The following MYH14 variants were observed in gnomAD, a reference collection of about 807,000 sequenced individuals.
The protein encoded by MYH14 is myosin-14.
A neutral mutation model predicts 255.5 loss-of-function variants in MYH14; 123 were observed. The ratio of observed to expected loss-of-function variants is 0.48; its 90% CI spans 0.42 to 0.56. The LOEUF is 0.56. Ranked by LOEUF, MYH14 falls within the 20% of genes least tolerant of loss-of-function variation. The pLI, the probability that MYH14 is intolerant of heterozygous loss-of-function variation, is 0.00. For synonymous variants in MYH14, 1,095 were observed against 1,161.2 expected, an observed-to-expected ratio of 0.94 and a Z score of 1.16; for missense variants, 2,423 against 2,802.3, an observed-to-expected ratio of 0.86 and a Z score of 3.06.
chr19:50,209,302 T>C (rs2032013680), intron 1 of MYH14, among the ~76,000 whole-genome samples: 2 of 152,146 alleles, frequency 1.3e-5, no homozygotes, highest in Non-Finnish European at 1.5e-5. Flanking sequence ...AAGTAAACTT[T>C]TGGAGGCAGG....
At chr19:50,208,092 ATTCCTCCCCTTGGTATTTATCAC>A (rs2031917526) in intron 1 of MYH14, among the ~76,000 whole-genome samples, 3 of 152,152 alleles carry the variant, frequency 2.0e-5, no homozygotes, top group Admixed American at 6.5e-5. Context: ...CCCCTGGTTT[ATTCCTCCCCTTGGTATTTATCAC>A]CATTTAATGT....
chr19:50,263,171 C>T, intron 21 of MYH14, 141 bp from the exon 22 acceptor site: 1 of 559,324 alleles, frequency 1.8e-6, no homozygotes, highest in Non-Finnish European at 2.9e-6. Flanking sequence ...TGCACTCCAG[C>T]CTAGGCAACA....
chr19:50,308,880 G>A (rs889019942), intron 41 of MYH14, 125 bp from the exon 42 acceptor site: 1 of 947,226 alleles, frequency 1.1e-6, no homozygotes, highest in African/African-American at 1.7e-5. Context: ...GGCCTAAACA[G>A]AGAGCAGAGG....
intron 16 of MYH14, among the ~76,000 whole-genome samples, chr19:50,254,078 G>C (rs199881108): frequency 6.6e-6 from 1 of 152,124 alleles, no homozygotes; most frequent in African/African-American, 2.4e-5. Context: ...TTAGCTGGGC[G>C]TGGTGGCACA....
At chr19:50,213,100 C>T (rs2032283806) in intron 2 of MYH14, among the ~76,000 whole-genome samples, 1 of 152,064 alleles carries the variant, frequency 6.6e-6, no homozygotes, top group Non-Finnish European at 1.5e-5. Flanking sequence ...CTACAGGCGC[C>T]TGCCACCAGG....
intron 40 of MYH14, among the ~76,000 whole-genome samples, chr19:50,302,453 C>T (rs919667056): frequency 3.3e-5 from 5 of 151,774 alleles, no homozygotes; most frequent in African/African-American, 9.7e-5. Flanking sequence ...TGTGGTGGCT[C>T]ATGCCTGTAG....
intron 10 of MYH14, among the ~76,000 whole-genome samples, chr19:50,240,043 G>A (rs1173564306): frequency 6.6e-6 from 1 of 152,146 alleles, no homozygotes; most frequent in Non-Finnish European, 1.5e-5. Flanking sequence ...ACTTCTAAGA[G>A]CATGGAGTTG....
In MYH14 at chr19:50,232,069, C is replaced by T; in HGVS notation, c.1113C>T (p.Ile371=). 2 of 1,611,570 alleles carry T rather than the reference C, an allele frequency of 1.2e-6. No individual in the cohort carries two copies. Among genetic ancestry groups the T allele is most frequent in the Non-Finnish European group, 1.7e-6 (2 of 1,179,880 alleles). The change falls in exon 10 of 43, where the codon ATC becomes ATT. Residue 371 remains isoleucine, a splice_region_variant and synonymous_variant. Coordinates refer to ENST00000642316, the MANE Select transcript of MYH14 (RefSeq NM_001145809.2). ...TGGGATTCAGCCACGAGGAAATCAT[C>T]TGTGAGTGAGCCCCGTGGAGGCCAG... ...RVLGFSHEEI[I]SMLRMVSAVL... is the part of the protein sequence containing the mutation.
At chr19:50,255,082 T>C in intron 16 of MYH14, 138 bp from the exon 17 acceptor site, 2 of 657,828 alleles carry the variant, frequency 3.0e-6, no homozygotes, top group Non-Finnish European at 2.8e-6. Context: ...CTTGCTTTGC[T>C]CTGTACTGTT....
intron 26 of MYH14, 137 bp downstream of exon 26, chr19:50,272,109 C>T (rs748564617): frequency 6.4e-5 from 75 of 1,174,986 alleles, no homozygotes; most frequent in Non-Finnish European, 8.8e-5. Context: ...GATTGAGTGT[C>T]CTCCCAGCTC....
intron 17 of MYH14, 70 bp from the exon 18 acceptor site, chr19:50,257,229 G>A (rs2034622832): frequency 1.5e-6 from 2 of 1,318,764 alleles, no homozygotes; most frequent in East Asian, 5.0e-5. Context: ...TAAGACCCTT[G>A]ACCTTTGGCC....
chr19:50,283,410 G>A (rs1292080714), intron 33 of MYH14, among the ~76,000 whole-genome samples: 4 of 152,158 alleles, frequency 2.6e-5, no homozygotes, highest in Admixed American at 6.6e-5. Flanking sequence ...GTAAGCTACC[G>A]CACCCAGCCT....
At position 50,222,576 on chromosome 19, in the gene MYH14, C is replaced by G. The variant is rs533196029; in HGVS notation, c.563-507C>G. 5.3e-5 allele frequency among the ~76,000 whole-genome samples: 8 copies of G among 152,058 alleles called. No individual in the cohort carries two copies. The East Asian group carries it at 1.5e-3, about 29-fold the overall frequency. On this transcript the variant is annotated intron_variant, in intron 3 of 42. Transcript: ENST00000642316. ...CGGTATTTGATTGTAGGTTTCTGTC[C>G]CCTACATCTTAAGTGGAAGCTCTGT...
chr19:50,286,686 G>A lies in MYH14; in HGVS notation c.4744G>A (p.Gly1582Ser), dbSNP rs373291384. The change falls in exon 34 of 43, where the codon GGC (glycine) becomes AGC (serine). Residue 1582 changes from glycine to serine, a missense_variant. Around this residue, in one of 3 missense-constraint regions of MYH14, gnomAD observed 1,513 missense variants for 1,674.8 expected, o/e 0.90. Transcript: ENST00000642316. ...ACTGCTGAGCAGCAAGGATGACGTC[G>A]GCAAGAGCGTGAGCAGGGCCCCCGC... The part of the protein sequence containing the change: ...EALLSSKDDV[G>S]KSVHELERAC... 2.0e-5 allele frequency: 31 copies of A among 1,571,578 alleles called. No homozygotes were observed. Among genetic ancestry groups the A allele is most frequent in the East Asian group, 1.2e-4 (5 of 42,666 alleles).
At chr19:50,275,345 C>A (rs1458903361) in intron 27 of MYH14, among the ~76,000 whole-genome samples, 1 of 152,200 alleles carries the variant, frequency 6.6e-6, no homozygotes, top group Non-Finnish European at 1.5e-5. Context: ...CCGGGCCAAC[C>A]CAGCCACTCA....
intron 1 of MYH14, among the ~76,000 whole-genome samples, chr19:50,208,119 T>C (rs1049166882): frequency 3.3e-5 from 5 of 152,200 alleles, no homozygotes; most frequent in African/African-American, 1.2e-4. Context: ...TTATCACCAT[T>C]TAATGTACTA....
At chr19:50,298,221 T>C in intron 39 of MYH14, among the ~76,000 whole-genome samples, 1 of 152,148 alleles carries the variant, frequency 6.6e-6, no homozygotes, top group Non-Finnish European at 1.5e-5. Flanking sequence ...GCAGCATTCC[T>C]TCCCCCTCTG....
At chr19:50,271,305 C>A in intron 24 of MYH14, 104 bp from the exon 25 acceptor site, 1 of 1,269,742 alleles carries the variant, frequency 7.9e-7, no homozygotes, top group Non-Finnish European at 1.1e-6. Flanking sequence ...CTCTGAACCA[C>A]AAGCCGCGGG....
chr19:50,301,895 G>C lies in MYH14; in HGVS notation c.5678+26G>C, dbSNP rs1024900088. On this transcript the variant is annotated intron_variant, in intron 40 of 42. Transcript: ENST00000642316. The stretch of plus-strand genomic sequence containing the variant: ...GTAGGTGAGAGCGGAGGCCACAGGA[G>C]AAAGGTGACCTCCACATTCTGGTTG... 3.2e-6 allele frequency: 5 copies of C among 1,560,720 alleles called. No homozygotes were observed. The Admixed American group carries it at 9.0e-5, about 28-fold the overall frequency.
Sources: gnomAD v4.1 joint callset for allele counts (sites outside exome capture counted in the v4.1 genomes callset) on GRCh38, gnomAD v4.1.1 for gene constraint, gnomAD v4.1.1 regional missense constraint, MANE v1.5 for transcripts, NCBI Gene and HGNC (gene_info 2026-07-23, HGNC 2026-07-21) for gene names.